Variants in ARFGEF1 observed in about 807,000 individuals in gnomAD.
ARFGEF1 encodes ARF guanine nucleotide exchange factor 1, also known as brefeldin A-inhibited guanine nucleotide-exchange protein 1.
In ARFGEF1, 42 loss-of-function variants were observed where a neutral mutation model predicts 231.0. That is an observed-to-expected ratio of 0.18 (90% CI 0.14 to 0.24). The LOEUF is 0.24. Ranked by LOEUF, ARFGEF1 falls within the 10% of genes least tolerant of loss-of-function variation. The pLI is 1.00. For synonymous variants in ARFGEF1, 710 were observed against 732.3 expected (o/e 0.97, Z 0.49); for missense variants, 1,345 against 2,192.0 (o/e 0.61, Z 7.72).
intron 1 of ARFGEF1, among the ~76,000 whole-genome samples, chr8:67,335,630 T>C (rs139310507): frequency 2.9e-3 from 439 of 152,318 alleles, no homozygotes; most frequent in Middle Eastern, 0.014. Context: ...CAGATGAGGA[T>C]TGTTAAACAG....
At chr8:67,219,206 ATCCACCCGCCTTGGCC>A (rs1435106744) in intron 30 of ARFGEF1, among the ~76,000 whole-genome samples, 1 of 152,206 alleles carries the variant, frequency 6.6e-6, no homozygotes, top group East Asian at 1.9e-4. Flanking sequence ...ACCTGAGATG[ATCCACCCGCCTTGGCC>A]TCCCAAAGTG....
chr8:67,177,295 T>G (rs1158345809), intron 5 of ARFGEF1, among the ~76,000 whole-genome samples: 5 of 152,150 alleles, frequency 3.3e-5, no homozygotes, highest in Non-Finnish European at 5.9e-5. Context: ...CCTCTGGAAC[T>G]AAGTGCCTGG....
At chr8:67,343,088 A>ACCCCCCCCCC in intron 1 of ARFGEF1, 76 bp downstream of exon 1, 13 of 399,146 alleles carry the variant, frequency 3.3e-5, no homozygotes, top group East Asian at 6.2e-5. Context: ...GCCCCGGGCG[A>ACCCCCCCCCC]CCCCACCCCC....
Position 67,251,448 on chromosome 8 carries a change from C to T in ARFGEF1, c.2701G>A (p.Val901Ile). Reference sequence around the variant, plus strand: ...AGTCTTCTTTGTTTTTCACTGGCTACATCTGAAACAATAAACACTATCAGC... The same window carrying T: ...AGTCTTCTTTGTTTTTCACTGGCTATATCTGAAACAATAAACACTATCAGC... Reference protein sequence around the residue: ...TIPTKSSKQNVASEKQRRLLY... With the variant: ...TIPTKSSKQNIASEKQRRLLY... The change falls in exon 19 of 39, where the codon GTA (valine) becomes ATA (isoleucine). Residue 901 changes from valine (V) to isoleucine (I), a missense_variant and splice_region_variant. Val to Ile is a conservative substitution (Grantham distance 29, BLOSUM62 3). Coordinates refer to ENST00000262215, the MANE Select transcript of ARFGEF1 (RefSeq NM_006421.5). 1 of 1,595,670 alleles carries T rather than the reference C, an allele frequency of 6.3e-7. No individual in the cohort carries two copies. The highest frequency in any genetic ancestry group is 8.5e-7 in the Non-Finnish European group (1 of 1,172,922).
At chr8:67,323,812 T>C (rs1175762170) in intron 1 of ARFGEF1, among the ~76,000 whole-genome samples, 1 of 152,118 alleles carries the variant, frequency 6.6e-6, no homozygotes. Context: ...TACTTTTTTT[T>C]TTTTTTGAGA....
chr8:67,259,720 G>T, intron 15 of ARFGEF1, 95 bp downstream of exon 15: 1 of 806,944 alleles, frequency 1.2e-6, no homozygotes, highest in Non-Finnish European at 1.9e-6. Context: ...TTCAAAACTA[G>T]CCTGGGCAAT....
intron 34 of ARFGEF1, among the ~76,000 whole-genome samples, chr8:67,208,472 A>G (rs925013686): frequency 3.9e-5 from 6 of 151,948 alleles, no homozygotes; most frequent in Non-Finnish European, 5.9e-5. Context: ...TCTACTAAAA[A>G]TCCAAAAATT....
At chr8:67,174,169 C>CT (rs1831069522), downstream of ARFGEF1, 1 of 151,990 alleles carries the variant, frequency 6.6e-6, no homozygotes, top group African/African-American at 2.4e-5. Context: ...TCACCCATGA[C>CT]TTGGTGGTTG....
chr8:67,250,665 C>G (rs1840254262), intron 19 of ARFGEF1, among the ~76,000 whole-genome samples: 1 of 152,180 alleles, frequency 6.6e-6, no homozygotes, highest in Non-Finnish European at 1.5e-5. Context: ...GTCTCATGAA[C>G]AGGAATATAC....
chr8:67,268,125 C>T (rs1804924009), intron 10 of ARFGEF1, among the ~76,000 whole-genome samples: 1 of 152,180 alleles, frequency 6.6e-6, no homozygotes, highest in Non-Finnish European at 1.5e-5. Flanking sequence ...AAACAACCAA[C>T]ATATTAACAT....
intron 17 of ARFGEF1, among the ~76,000 whole-genome samples, 184 bp downstream of exon 17, chr8:67,257,548 A>AGTCTAAT (rs57398798): frequency 0.089 from 13,549 of 152,176 alleles, 1,251 homozygotes; most frequent in African/African-American, 0.24. Flanking sequence ...GATACCTAAA[A>AGTCTAAT]GTCTAATTTT....
At chr8:67,190,553 G>T (rs999933910) in intron 5 of ARFGEF1, 4 of 870,610 alleles carry the variant, frequency 4.6e-6, no homozygotes, top group South Asian at 1.4e-5. Flanking sequence ...TCATGGTATT[G>T]TAAGCAAAAT....
At chr8:67,207,811 C>A (rs1007966051) in intron 34 of ARFGEF1, among the ~76,000 whole-genome samples, 1 of 152,226 alleles carries the variant, frequency 6.6e-6, no homozygotes, top group African/African-American at 2.4e-5. Flanking sequence ...CTTCCTCCAG[C>A]TCTACCTGTT....
At chr8:67,335,535 A>G (rs146905873) in intron 1 of ARFGEF1, among the ~76,000 whole-genome samples, 4 of 152,296 alleles carry the variant, frequency 2.6e-5, no homozygotes, top group African/African-American at 7.2e-5. Context: ...AAAGCCATAG[A>G]GATTCTCTTC....
chr8:67,277,213 AGGT>A, intron 8 of ARFGEF1, 66 bp downstream of exon 8: 2 of 1,460,368 alleles, frequency 1.4e-6, no homozygotes, highest in Middle Eastern at 1.8e-4. Context: ...ACTCATGACA[AGGT>A]GGTGGTAGCC....
chr8:67,311,017 C>T (rs1434642488), intron 1 of ARFGEF1, among the ~76,000 whole-genome samples: 18 of 147,956 alleles, frequency 1.2e-4, no homozygotes, highest in African/African-American at 3.2e-4. Context: ...CCAGCCGCCC[C>T]GTCTGGGAGG....
At chr8:67,284,117 A>G (rs114297130) in intron 7 of ARFGEF1, among the ~76,000 whole-genome samples, 19 of 152,328 alleles carry the variant, frequency 1.2e-4, no homozygotes, top group African/African-American at 4.3e-4. Flanking sequence ...ACTATGATAT[A>G]TCTGCATAAG....
At chr8:67,326,728 A>C (rs1807851343) in intron 1 of ARFGEF1, among the ~76,000 whole-genome samples, 7 of 152,230 alleles carry the variant, frequency 4.6e-5, no homozygotes, top group Admixed American at 4.6e-4. Flanking sequence ...AATTTTTTCT[A>C]ATCAACCTTA....
intron 18 of ARFGEF1, 118 bp downstream of exon 18, chr8:67,253,333 C>T: frequency 1.6e-6 from 1 of 614,386 alleles, no homozygotes; most frequent in Non-Finnish European, 2.5e-6. Context: ...GCTTCAGCCT[C>T]CCTGAGTAGC....
Sources: allele counts gnomAD v4.1 joint callset (sites outside exome capture counted in the v4.1 genomes callset), GRCh38; gene constraint gnomAD v4.1.1; transcripts MANE v1.5; gene names NCBI Gene and HGNC (gene_info 2026-07-23, HGNC 2026-07-21).